The following ADCY2 variants were observed in gnomAD, a reference collection of about 807,000 sequenced individuals.
ADCY2 encodes the protein adenylate cyclase type 2.
ADCY2 carries 31 observed loss-of-function variants against 125.2 expected under a neutral mutation model. The ratio of observed to expected loss-of-function variants is 0.25; its 90% CI spans 0.19 to 0.33. ADCY2 has a LOEUF of 0.33. Ranked by LOEUF, ADCY2 falls within the 10% of genes least tolerant of loss-of-function variation. ADCY2 has a pLI of 1.00. For synonymous variants in ADCY2, 512 were observed against 548.4 expected (o/e 0.93, Z 0.93); for missense variants, 904 against 1,418.2 (o/e 0.64, Z 5.82).
At chr5:7,526,429 C>T (rs1017050437) in intron 3 of ADCY2, among the ~76,000 whole-genome samples, 12 of 149,944 alleles carry the variant, frequency 8.0e-5, no homozygotes, top group African/African-American at 2.9e-4. Flanking sequence ...TAGTTTACAA[C>T]AATTCATTAT....
intron 2 of ADCY2, among the ~76,000 whole-genome samples, chr5:7,503,050 G>C (rs1743654992): frequency 6.6e-6 from 1 of 152,166 alleles, no homozygotes; most frequent in Admixed American, 6.5e-5. Flanking sequence ...CCAGCTCCAT[G>C]AGATTGAGAT....
intron 2 of ADCY2, among the ~76,000 whole-genome samples, chr5:7,429,762 G>T (rs1446692198): frequency 6.6e-6 from 1 of 152,234 alleles, no homozygotes; most frequent in African/African-American, 2.4e-5. Context: ...ACCTAAGGCA[G>T]TGCTTAGCAG....
At position 7,626,266 on chromosome 5, in the gene ADCY2, TG is replaced by T; in HGVS notation, c.671del (p.Cys224LeufsTer33). The T allele has an allele frequency of 6.2e-7, 1 of 1,614,166 alleles. No homozygotes were observed. The highest frequency in any genetic ancestry group is 8.5e-7 in the Non-Finnish European group (1 of 1,179,988). ...TCTTCAGCAAACATATCAGGACACC[TG>T]TAATTGCATCAAGTCGCGGATCAAG... ...LALQQTYQDT[C>X]NCIKSRIKLE... On this transcript the variant is annotated frameshift_variant, in exon 4 of 25. Transcript: ENST00000338316. LOFTEE classifies it high-confidence loss of function.
intron 3 of ADCY2, among the ~76,000 whole-genome samples, chr5:7,613,514 G>T (rs1250105807): frequency 2.6e-5 from 4 of 152,176 alleles, no homozygotes; most frequent in Non-Finnish European, 2.9e-5. Flanking sequence ...CAGGTCACCT[G>T]CATTTCTAAC....
At chr5:7,509,775 G>A (rs573288947) in intron 2 of ADCY2, among the ~76,000 whole-genome samples, 107 of 152,244 alleles carry the variant, frequency 7.0e-4, no homozygotes, top group Middle Eastern at 3.4e-3. Context: ...TAACTGTATG[G>A]GAAAGATAAA....
chr5:7,682,579 G>A (rs1740376351), intron 4 of ADCY2, among the ~76,000 whole-genome samples: 1 of 152,186 alleles, frequency 6.6e-6, no homozygotes, highest in Admixed American at 6.5e-5. Flanking sequence ...CTTCAAGACT[G>A]AATCTGGGAG....
intron 4 of ADCY2, among the ~76,000 whole-genome samples, chr5:7,656,800 G>GT (rs1739350803): frequency 6.6e-6 from 1 of 152,226 alleles, no homozygotes; most frequent in Non-Finnish European, 1.5e-5. Context: ...TAGTCCCTAG[G>GT]AATGAAAGCA....
intron 18 of ADCY2, chr5:7,782,190 C>T (rs559549808): frequency 1.0e-3 from 167 of 167,330 alleles, no homozygotes; most frequent in African/African-American, 3.7e-3. Context: ...CAGGGAGAGC[C>T]TCTGCTGGTC....
intron 2 of ADCY2, among the ~76,000 whole-genome samples, chr5:7,490,195 C>T (rs143680298): frequency 6.6e-6 from 1 of 152,094 alleles, no homozygotes; most frequent in Non-Finnish European, 1.5e-5. Context: ...TTTCTTATTA[C>T]AACTAGTAGG....
intron 2 of ADCY2, among the ~76,000 whole-genome samples, chr5:7,514,269 G>T (rs1409971815): frequency 1.3e-5 from 2 of 152,126 alleles, no homozygotes; most frequent in Non-Finnish European, 2.9e-5. Flanking sequence ...GATGTGTGTA[G>T]AATCAAGTCA....
chr5:7,589,506 G>GAAAGAAAGAAAGAAAAGA (rs530283052), intron 3 of ADCY2, among the ~76,000 whole-genome samples: 111 of 93,854 alleles, frequency 1.2e-3, no homozygotes, highest in Middle Eastern at 5.0e-3. Flanking sequence ...AAGAAAGAAA[G>GAAAGAAAGAAAGAAAAGA]AAAGAAAAGA....
chr5:7,588,110 G>A (rs1443747979), intron 3 of ADCY2, among the ~76,000 whole-genome samples: 5 of 152,062 alleles, frequency 3.3e-5, no homozygotes, highest in Admixed American at 3.3e-4. Flanking sequence ...GTAATTAGAA[G>A]CAATGTAAGA....
At chr5:7,434,629 T>G (rs1740727481) in intron 2 of ADCY2, among the ~76,000 whole-genome samples, 1 of 152,248 alleles carries the variant, frequency 6.6e-6, no homozygotes, top group Non-Finnish European at 1.5e-5. Context: ...CATCATAGGC[T>G]ATTTAATAAA....
At chr5:7,398,283 T>C (rs1739134775) in intron 1 of ADCY2, among the ~76,000 whole-genome samples, 1 of 152,238 alleles carries the variant, frequency 6.6e-6, no homozygotes, top group Non-Finnish European at 1.5e-5. Context: ...AGAATTCTAA[T>C]TTCTTAAACC....
chr5:7,613,675 C>G (rs1303205534), intron 3 of ADCY2, among the ~76,000 whole-genome samples: 1 of 152,218 alleles, frequency 6.6e-6, no homozygotes, highest in Non-Finnish European at 1.5e-5. Flanking sequence ...AACTCACTTT[C>G]CAGCTCCCTT....
At chr5:7,650,526 C>A (rs184275837) in intron 4 of ADCY2, among the ~76,000 whole-genome samples, 168 of 152,262 alleles carry the variant, frequency 1.1e-3, no homozygotes, top group African/African-American at 3.9e-3. Context: ...AGCAGAAGTG[C>A]ACCTCCAGAC....
chr5:7,705,991 G>A (rs898533691), intron 7 of ADCY2, among the ~76,000 whole-genome samples: 10 of 152,130 alleles, frequency 6.6e-5, no homozygotes, highest in Non-Finnish European at 8.8e-5. Context: ...CGGCATCGTT[G>A]CTTCCCTCCA....
chr5:7,452,492 C>G (rs2126422431), intron 2 of ADCY2, among the ~76,000 whole-genome samples: 1 of 152,286 alleles, frequency 6.6e-6, no homozygotes, highest in Admixed American at 6.5e-5. Context: ...TTTTCTTTAA[C>G]CACTCATCAG....
At chr5:7,522,046 A>G (rs1470186950) in intron 3 of ADCY2, among the ~76,000 whole-genome samples, 1 of 152,182 alleles carries the variant, frequency 6.6e-6, no homozygotes, top group East Asian at 1.9e-4. Flanking sequence ...ATTGCCTTTG[A>G]CACATGCTAG....
Sources: allele counts gnomAD v4.1 joint callset (sites outside exome capture counted in the v4.1 genomes callset), GRCh38; gene constraint gnomAD v4.1.1; transcripts MANE v1.5; gene names NCBI Gene and HGNC (gene_info 2026-07-23, HGNC 2026-07-21).